Variants in PDLIM5 observed in about 807,000 individuals in gnomAD.
PDLIM5 encodes the protein PDZ and LIM domain 5.
Under a neutral mutation model 64.2 loss-of-function variants are expected in PDLIM5, and 34 were observed. The ratio of observed to expected loss-of-function variants is 0.53; its 90% CI spans 0.40 to 0.71. PDLIM5 has a LOEUF of 0.71. Among genes scored for constraint, PDLIM5 ranks in the 30% least tolerant of loss-of-function variants. The pLI is 0.00. For missense variants in PDLIM5, 683 were observed against 733.6 expected (o/e 0.93, Z 0.80); for synonymous variants, 253 against 269.1 (o/e 0.94, Z 0.59).
At chr4:94,567,461 ATTGG>A (rs1734438518) in intron 3 of PDLIM5, among the ~76,000 whole-genome samples, 1 of 152,002 alleles carries the variant, frequency 6.6e-6, no homozygotes, top group South Asian at 2.1e-4. Flanking sequence ...ATTACTTACC[ATTGG>A]ACCTTAGTAA....
At chr4:94,634,301 A>G (rs1740386015) in intron 8 of PDLIM5, among the ~76,000 whole-genome samples, 2 of 152,160 alleles carry the variant, frequency 1.3e-5, no homozygotes, top group East Asian at 3.8e-4. Context: ...ACCAAGATGT[A>G]CTATGGAGGT....
chr4:94,488,103 G>C (rs148073882), intron 2 of PDLIM5, among the ~76,000 whole-genome samples: 1 of 152,190 alleles, frequency 6.6e-6, no homozygotes, highest in African/African-American at 2.4e-5. Flanking sequence ...TTTGGTGAAT[G>C]CATCTTTCAC....
chr4:94,642,532 C>G (rs1741079717), intron 9 of PDLIM5, among the ~76,000 whole-genome samples: 2 of 152,248 alleles, frequency 1.3e-5, no homozygotes, highest in African/African-American at 4.8e-5. Context: ...GCTCCCTCAT[C>G]TGTTAAATTT....
chr4:94,455,957 T>A, intron 2 of PDLIM5: 2 of 1,500,636 alleles, frequency 1.3e-6, no homozygotes, highest in Non-Finnish European at 1.8e-6. Flanking sequence ...CATTATGGAT[T>A]TAGTTTGAAT....
chr4:94,558,772 A>C (rs761394472), intron 3 of PDLIM5, among the ~76,000 whole-genome samples: 1 of 151,528 alleles, frequency 6.6e-6, no homozygotes, highest in Non-Finnish European at 1.5e-5. Flanking sequence ...TCAGTTCCCT[A>C]TTCCATTTTT....
intron 7 of PDLIM5, chr4:94,610,239 A>G (rs1738256361): frequency 2.0e-6 from 3 of 1,518,756 alleles, no homozygotes; most frequent in Admixed American, 2.0e-5. Context: ...CTCCTGCTAG[A>G]TATAGTGCTG....
At chr4:94,588,789 C>T (rs1196405841) in intron 7 of PDLIM5, among the ~76,000 whole-genome samples, 3 of 152,106 alleles carry the variant, frequency 2.0e-5, no homozygotes, top group Non-Finnish European at 1.5e-5. Context: ...TATTCTTTCA[C>T]ATTAGTGACA....
At chr4:94,517,189 A>G (rs1578291544) in intron 2 of PDLIM5, among the ~76,000 whole-genome samples, 3 of 152,130 alleles carry the variant, frequency 2.0e-5, no homozygotes, top group East Asian at 1.9e-4. Context: ...AGTAGTACCT[A>G]TTGTTGGCAG....
intron 7 of PDLIM5, among the ~76,000 whole-genome samples, chr4:94,617,696 G>A (rs531578582): frequency 6.6e-6 from 1 of 151,770 alleles, no homozygotes; most frequent in African/African-American, 2.4e-5. Context: ...ACTGGTAAGG[G>A]CTGAGGTGTC....
At chr4:94,515,668 A>G (rs1729299094) in intron 2 of PDLIM5, among the ~76,000 whole-genome samples, 1 of 152,220 alleles carries the variant, frequency 6.6e-6, no homozygotes, top group African/African-American at 2.4e-5. Flanking sequence ...AATGGAATAT[A>G]CATGCATGCT....
intron 2 of PDLIM5, chr4:94,457,022 A>G: frequency 1.0e-6 from 1 of 952,816 alleles, no homozygotes; most frequent in Non-Finnish European, 1.3e-6. Flanking sequence ...TTCTTTAATC[A>G]GATATTTAGA....
intron 7 of PDLIM5, chr4:94,610,199 A>C (rs756955584): frequency 2.5e-4 from 378 of 1,526,642 alleles, no homozygotes; most frequent in Non-Finnish European, 3.0e-4. Flanking sequence ...GATTCTTTCG[A>C]AGGTTTTCGA....
At chr4:94,463,976 A>G (rs956932641) in intron 2 of PDLIM5, among the ~76,000 whole-genome samples, 2 of 152,210 alleles carry the variant, frequency 1.3e-5, no homozygotes, top group South Asian at 4.1e-4. Flanking sequence ...GGCACAAGGT[A>G]GTTACTCATT....
chr4:94,517,202 A>G (rs866873887), intron 2 of PDLIM5, among the ~76,000 whole-genome samples: 3 of 152,158 alleles, frequency 2.0e-5, no homozygotes, highest in African/African-American at 7.2e-5. Flanking sequence ...GTTGGCAGGA[A>G]AGCAAGTTCT....
chr4:94,571,552 A>G (rs904826566), intron 3 of PDLIM5, among the ~76,000 whole-genome samples: 17 of 152,320 alleles, frequency 1.1e-4, no homozygotes, highest in African/African-American at 3.6e-4. Flanking sequence ...CACACTACAC[A>G]AAAGTGACTT....
At chr4:94,527,880 A>G (rs536900657) in intron 3 of PDLIM5, among the ~76,000 whole-genome samples, 2 of 152,334 alleles carry the variant, frequency 1.3e-5, no homozygotes, top group African/African-American at 4.8e-5. Flanking sequence ...GCTTCCAAAG[A>G]AAGTTACTGG....
intron 2 of PDLIM5, among the ~76,000 whole-genome samples, chr4:94,512,938 A>G (rs1457958726): frequency 6.6e-6 from 1 of 152,120 alleles, no homozygotes; most frequent in Non-Finnish European, 1.5e-5. Flanking sequence ...GTCTAATTTC[A>G]TTCTTCTGCA....
chr4:94,475,792 A>C lies in PDLIM5; in HGVS notation c.96+20408A>C, dbSNP rs563469086. On this transcript the variant is annotated intron_variant, in intron 2 of 12. Coordinates refer to ENST00000317968, the MANE Select transcript of PDLIM5 (RefSeq NM_006457.5). ...AAAAAATAGGAGAAAAAATAGTATCATATTTACCTGGAGTTTTACAAATTA... is the reference window on the plus strand; with the variant it reads ...AAAAAATAGGAGAAAAAATAGTATCCTATTTACCTGGAGTTTTACAAATTA... Among the ~76,000 whole-genome samples the C allele has an allele frequency of 1.4e-4, 22 of 152,316 alleles. No homozygotes were observed. In the South Asian group the frequency reaches 4.2e-3, roughly 29 times the overall value.
chr4:94,595,604 C>G (rs1445892778), intron 7 of PDLIM5, among the ~76,000 whole-genome samples: 1 of 152,190 alleles, frequency 6.6e-6, no homozygotes, highest in Non-Finnish European at 1.5e-5. Context: ...TCTGAACATA[C>G]TGTTTTGTAA....
Sources: gnomAD v4.1 joint callset for allele counts (sites outside exome capture counted in the v4.1 genomes callset) on GRCh38, gnomAD v4.1.1 for gene constraint, MANE v1.5 for transcripts, NCBI Gene and HGNC (gene_info 2026-07-23, HGNC 2026-07-21) for gene names.